GPC6: variants seen among roughly 807,000 people sequenced by gnomAD.
GPC6 encodes glypican-6.
Under a neutral mutation model 55.2 loss-of-function variants are expected in GPC6, and 14 were observed. The observed-to-expected ratio is 0.25, with a 90% CI of 0.17 to 0.40. The LOEUF (loss-of-function observed/expected upper bound fraction) is 0.40. GPC6 is among the 10% of genes least tolerant of loss of function. The pLI is 1.00. For synonymous variants in GPC6, 278 were observed against 259.6 expected (o/e 1.07, Z -0.68); for missense variants, 641 against 708.5 (o/e 0.90, Z 1.08).
chr13:93,235,967 G>A (rs1876220143), intron 1 of GPC6, among the ~76,000 whole-genome samples: 1 of 152,148 alleles, frequency 6.6e-6, no homozygotes, highest in African/African-American at 2.4e-5. Flanking sequence ...ACAAGATGAT[G>A]GCTAGAGTTC....
chr13:93,904,608 C>T (rs1211489700), intron 3 of GPC6, among the ~76,000 whole-genome samples: 4 of 152,114 alleles, frequency 2.6e-5, no homozygotes, highest in African/African-American at 9.7e-5. Flanking sequence ...CATGTTGATG[C>T]ATGCCTATTG....
At chr13:94,287,487 G>A (rs767690898) in intron 5 of GPC6, among the ~76,000 whole-genome samples, 4 of 152,138 alleles carry the variant, frequency 2.6e-5, no homozygotes, top group Admixed American at 6.5e-5. Context: ...GGTCTCCTTG[G>A]CTAAGCATGA....
At chr13:94,212,189 C>T (rs143061576) in intron 4 of GPC6, among the ~76,000 whole-genome samples, 61 of 152,242 alleles carry the variant, frequency 4.0e-4, no homozygotes, top group African/African-American at 1.4e-3. Context: ...TACCAGCAAA[C>T]AAACTTATTT....
chr13:94,197,565 A>G (rs892564569), intron 4 of GPC6, among the ~76,000 whole-genome samples: 2 of 152,164 alleles, frequency 1.3e-5, no homozygotes, highest in Non-Finnish European at 2.9e-5. Flanking sequence ...GTCTCTTCTT[A>G]TAACAGTGCC....
At chr13:93,480,934 CAT>C (rs2139341284) in intron 1 of GPC6, among the ~76,000 whole-genome samples, 1 of 152,246 alleles carries the variant, frequency 6.6e-6, no homozygotes, top group South Asian at 2.1e-4. Context: ...ATGTGAGGGA[CAT>C]ATGTCTTCAT....
At chr13:93,799,831 A>C (rs2138935367) in intron 2 of GPC6, among the ~76,000 whole-genome samples, 1 of 152,294 alleles carries the variant, frequency 6.6e-6, no homozygotes, top group African/African-American at 2.4e-5. Context: ...TGGGGCAGGT[A>C]GTGGGGCAGG....
At position 93,296,100 on chromosome 13, in the gene GPC6, G is replaced by C. The variant is rs562854820; in HGVS notation, c.160+68484G>C. ...AAAACAGGGGGATTTCAACATATGA[G>C]TTTTGTGGGGAAGGAAATATTCAGC... On this transcript the variant is annotated intron_variant, in intron 1 of 8. Coordinates refer to ENST00000377047, the MANE Select transcript of GPC6 (RefSeq NM_005708.5). Among the ~76,000 whole-genome samples, 62 of 152,238 alleles carry C rather than the reference G, an allele frequency of 4.1e-4. 1 individual carries two copies. The highest frequency in any genetic ancestry group is 1.1e-3 in the Admixed American group (17 of 15,300).
chr13:93,926,920 A>G (rs866888987), intron 3 of GPC6, among the ~76,000 whole-genome samples: 1 of 152,186 alleles, frequency 6.6e-6, no homozygotes, highest in South Asian at 2.1e-4. Context: ...TAGTGAGCCC[A>G]TTGCTAATGA....
chr13:94,370,274 A>G (rs1359532673), intron 6 of GPC6, among the ~76,000 whole-genome samples: 2 of 152,256 alleles, frequency 1.3e-5, no homozygotes, highest in Non-Finnish European at 2.9e-5. Context: ...AACAAATAGC[A>G]GCGAAGCCTT....
At chr13:94,010,475 C>A (rs1034433940) in intron 3 of GPC6, among the ~76,000 whole-genome samples, 6 of 152,100 alleles carry the variant, frequency 3.9e-5, no homozygotes, top group African/African-American at 1.4e-4. Context: ...AATTTAGTAT[C>A]CTGAGAGACA....
chr13:93,485,008 A>G (rs1160215672), intron 1 of GPC6, among the ~76,000 whole-genome samples: 1 of 152,230 alleles, frequency 6.6e-6, no homozygotes, highest in Non-Finnish European at 1.5e-5. Context: ...AGGAATTATT[A>G]AACAGCAGTA....
At chr13:93,381,532 T>G (rs1333790935) in intron 1 of GPC6, among the ~76,000 whole-genome samples, 1 of 152,162 alleles carries the variant, frequency 6.6e-6, no homozygotes, top group Admixed American at 6.5e-5. Context: ...TGAGCATTGT[T>G]TTTATTGCTT....
chr13:94,321,096 T>C (rs1383141335), intron 6 of GPC6, among the ~76,000 whole-genome samples: 1 of 152,144 alleles, frequency 6.6e-6, no homozygotes, highest in Non-Finnish European at 1.5e-5. Context: ...GACCCTGGTG[T>C]CTTTTGTTCC....
chr13:94,244,879 A>G (rs1467415952), intron 4 of GPC6, among the ~76,000 whole-genome samples: 2 of 152,020 alleles, frequency 1.3e-5, no homozygotes, highest in African/African-American at 4.8e-5. Flanking sequence ...TCATATTTTT[A>G]TTTATTTATT....
Position 94,404,028 on chromosome 13 carries a change from T to A in GPC6, c.*811T>A, listed in dbSNP as rs933491770. 3.9e-5 allele frequency: 6 copies of A among 152,260 alleles called. No individual in the cohort carries two copies. The highest frequency in any genetic ancestry group is 7.3e-5 in the Non-Finnish European group (5 of 68,098). The allele number at this position is 152,260 out of a possible 1,614,324, so 9.4% of individuals were successfully genotyped here. On this transcript the variant is annotated 3_prime_UTR_variant, in exon 9 of 9. Coordinates refer to ENST00000377047, the MANE Select transcript of GPC6 (RefSeq NM_005708.5). ...TTTCCCCTTCATCTTCAATTACTAG[T>A]AGCTACCCCCATCAATTCACCTTCC...
chr13:93,310,223 T>G (rs1879017959), intron 1 of GPC6, among the ~76,000 whole-genome samples: 1 of 152,326 alleles, frequency 6.6e-6, no homozygotes. Context: ...GCTTCTCATC[T>G]GTATTTTTCA....
intron 4 of GPC6, among the ~76,000 whole-genome samples, chr13:94,121,541 C>T (rs1015581524): frequency 5.3e-5 from 8 of 151,976 alleles, no homozygotes; most frequent in Non-Finnish European, 1.2e-4. Context: ...AATAATTTAA[C>T]GTGAATATAA....
intron 3 of GPC6, among the ~76,000 whole-genome samples, chr13:93,977,521 G>C (rs1378735530): frequency 1.4e-5 from 2 of 143,522 alleles, no homozygotes; most frequent in African/African-American, 2.6e-5. Context: ...TGTGTGTGGT[G>C]TGTCTTTATT....
At chr13:93,760,289 G>C (rs901575904) in intron 2 of GPC6, among the ~76,000 whole-genome samples, 1 of 152,128 alleles carries the variant, frequency 6.6e-6, no homozygotes, top group East Asian at 1.9e-4. Context: ...ATGTTAAGCC[G>C]CTTCTCAGGA....
Sources: gnomAD v4.1 joint callset for allele counts (sites outside exome capture counted in the v4.1 genomes callset) on GRCh38, gnomAD v4.1.1 for gene constraint, MANE v1.5 for transcripts, NCBI Gene and HGNC (gene_info 2026-07-23, HGNC 2026-07-21) for gene names.